Variants in CTNNA3 observed in about 807,000 individuals in gnomAD.
CTNNA3 encodes the protein catenin alpha 3, also known as catenin alpha-3.
A neutral mutation model predicts 95.7 loss-of-function variants in CTNNA3; 76 were observed. The ratio of observed to expected loss-of-function variants is 0.79; its 90% CI spans 0.66 to 0.96. The LOEUF (loss-of-function observed/expected upper bound fraction) is 0.96. Among genes scored for constraint, CTNNA3 ranks in the 40% least tolerant of loss-of-function variants. The pLI is 0.00. For synonymous variants in CTNNA3, 431 were observed against 374.4 expected (o/e 1.15, Z -1.74); for missense variants, 1,191 against 1,089.8 (o/e 1.09, Z -1.31).
At chr10:67,191,588 GA>G (rs1863121616) in intron 6 of CTNNA3, among the ~76,000 whole-genome samples, 1 of 151,694 alleles carries the variant, frequency 6.6e-6, no homozygotes, top group Non-Finnish European at 1.5e-5. Context: ...AGGCATTGAT[GA>G]AAAAAATTGA....
chr10:66,433,839 C>T (rs2093316927), intron 11 of CTNNA3, among the ~76,000 whole-genome samples: 1 of 152,122 alleles, frequency 6.6e-6, no homozygotes, highest in Non-Finnish European at 1.5e-5. Context: ...AGGAAGGAAT[C>T]CAGTTTCAGT....
intron 9 of CTNNA3, among the ~76,000 whole-genome samples, chr10:66,661,160 C>T (rs888670908): frequency 9.9e-5 from 15 of 152,036 alleles, no homozygotes; most frequent in African/African-American, 2.7e-4. Context: ...TTCATTCTGC[C>T]AATTTTAGAA....
chr10:67,661,021 A>C (rs1269533086), intron 1 of CTNNA3, among the ~76,000 whole-genome samples: 2 of 152,134 alleles, frequency 1.3e-5, no homozygotes, highest in Non-Finnish European at 2.9e-5. Flanking sequence ...TTTTTATAAC[A>C]AACTGTTAGT....
chr10:67,090,464 C>A (rs1014682006), intron 7 of CTNNA3, among the ~76,000 whole-genome samples: 2 of 152,084 alleles, frequency 1.3e-5, no homozygotes, highest in Non-Finnish European at 2.9e-5. Flanking sequence ...GTGTTCACCT[C>A]TCTAGGTTCT....
chr10:65,998,327 T>C (rs928602357), intron 15 of CTNNA3, among the ~76,000 whole-genome samples: 1 of 152,224 alleles, frequency 6.6e-6, no homozygotes, highest in Non-Finnish European at 1.5e-5. Context: ...TCTTTAAAGA[T>C]GTACAACTGG....
chr10:66,679,005 CACT>C (rs1846968884), intron 9 of CTNNA3, among the ~76,000 whole-genome samples: 1 of 152,122 alleles, frequency 6.6e-6, no homozygotes, highest in Admixed American at 6.6e-5. Flanking sequence ...ATCCTGAGCA[CACT>C]GGTGACTCAT....
chr10:66,021,491 C>CTT (rs35316772), intron 15 of CTNNA3, among the ~76,000 whole-genome samples: 108,385 of 151,850 alleles, frequency 0.71, 38,979 homozygotes, highest in East Asian at 0.93. Context: ...TTAAAAATAA[C>CTT]GAGGTATTTG....
intron 13 of CTNNA3, among the ~76,000 whole-genome samples, chr10:66,188,703 T>C (rs887655968): frequency 1.3e-5 from 2 of 151,186 alleles, no homozygotes; most frequent in Non-Finnish European, 3.0e-5. Context: ...TTGTAAATAA[T>C]GCTGCAATAA....
At chr10:65,944,900 C>CTATCT (rs1554818820) in intron 17 of CTNNA3, among the ~76,000 whole-genome samples, 1 of 111,884 alleles carries the variant, frequency 8.9e-6, no homozygotes, top group Non-Finnish European at 1.9e-5. Flanking sequence ...ATCTATCTAT[C>CTATCT]ATCTATCTAT....
intron 17 of CTNNA3, among the ~76,000 whole-genome samples, chr10:65,961,673 C>T (rs1288516684): frequency 1.3e-5 from 2 of 151,822 alleles, no homozygotes; most frequent in South Asian, 2.1e-4. Context: ...AGGATTAACA[C>T]ACAAACAAAC....
At chr10:66,967,560 T>C (rs1321991950) in intron 7 of CTNNA3, among the ~76,000 whole-genome samples, 2 of 151,996 alleles carry the variant, frequency 1.3e-5, no homozygotes, top group Non-Finnish European at 2.9e-5. Context: ...CTCTATACCT[T>C]TAAGCAGTAT....
intron 6 of CTNNA3, among the ~76,000 whole-genome samples, chr10:67,190,928 C>T (rs1388292937): frequency 2.0e-5 from 3 of 151,894 alleles, no homozygotes; most frequent in African/African-American, 7.2e-5. Flanking sequence ...TAAAAATAGG[C>T]CAATGACCTT....
chr10:67,318,486 A>C (rs930825820), intron 5 of CTNNA3, among the ~76,000 whole-genome samples: 31 of 152,174 alleles, frequency 2.0e-4, no homozygotes, highest in South Asian at 4.1e-4. Flanking sequence ...TCCCCAGTAA[A>C]ATGCACACAT....
At chr10:66,769,796 A>C (rs531540615) in intron 8 of CTNNA3, among the ~76,000 whole-genome samples, 2 of 152,346 alleles carry the variant, frequency 1.3e-5, no homozygotes, top group Non-Finnish European at 2.9e-5. Flanking sequence ...TGTTATTCTC[A>C]GAGATCCTCA....
chr10:67,704,277 T>G lies in CTNNA3; in HGVS notation c.-1-56763A>C, dbSNP rs539561529. On this transcript the variant is annotated intron_variant, in intron 1 of 17. Coordinates refer to the CTNNA3 transcript ENST00000684154. ...TCTTCACAGAATTGTAAAAAACTGC[T>G]TTAAAGTTTGTATGGAACCAAAAAA... Among the ~76,000 whole-genome samples the G allele has an allele frequency of 6.6e-5, 10 of 152,316 alleles. No homozygotes were observed. The East Asian group carries it at 1.9e-3, about 29-fold the overall frequency.
At chr10:66,877,236 T>C (rs946823361) in intron 7 of CTNNA3, among the ~76,000 whole-genome samples, 9 of 152,164 alleles carry the variant, frequency 5.9e-5, no homozygotes, top group Non-Finnish European at 7.4e-5. Flanking sequence ...TTCTTAGCAA[T>C]TCCTAACCAA....
At chr10:65,983,781 T>C (rs1019622969) in intron 16 of CTNNA3, among the ~76,000 whole-genome samples, 1 of 151,422 alleles carries the variant, frequency 6.6e-6, no homozygotes, top group Non-Finnish European at 1.5e-5. Flanking sequence ...GTTTTAGTTC[T>C]TCTCTTTCTA....
At chr10:65,953,863 T>C (rs1259473843) in intron 17 of CTNNA3, among the ~76,000 whole-genome samples, 2 of 152,212 alleles carry the variant, frequency 1.3e-5, no homozygotes, top group African/African-American at 4.8e-5. Flanking sequence ...CATGTGTCTT[T>C]ATAGCAGCAT....
chr10:67,109,045 A>C (rs1336291997), intron 7 of CTNNA3, among the ~76,000 whole-genome samples: 1 of 152,194 alleles, frequency 6.6e-6, no homozygotes, highest in Non-Finnish European at 1.5e-5. Flanking sequence ...GTCCATTAAA[A>C]TGCTACCTAT....
Sources: allele counts gnomAD v4.1 joint callset (sites outside exome capture counted in the v4.1 genomes callset), GRCh38; gene constraint gnomAD v4.1.1; transcripts MANE v1.5; gene names NCBI Gene and HGNC (gene_info 2026-07-23, HGNC 2026-07-21).